CWC22: variants seen among roughly 807,000 people sequenced by gnomAD.
The protein encoded by CWC22 is CWC22 spliceosome associated protein.
In CWC22, 53 loss-of-function variants were observed where a neutral mutation model predicts 117.2. The ratio of observed to expected loss-of-function variants is 0.45; its 90% confidence interval spans 0.36 to 0.57. CWC22 has a LOEUF of 0.57. Ranked by LOEUF, CWC22 falls within the 20% of genes least tolerant of loss-of-function variation. The pLI, the probability that CWC22 is intolerant of heterozygous loss-of-function variation, is 0.00. For synonymous variants in CWC22, 360 were observed against 355.6 expected (o/e 1.01, Z -0.14); for missense variants, 980 against 1,068.8 (o/e 0.92, Z 1.16).
Position 179,989,138 on chromosome 2 carries a change from A to C in CWC22, c.28-494T>G, listed in dbSNP as rs1687496267. Among the ~76,000 whole-genome samples the C allele has an allele frequency of 2.0e-5, 3 of 151,974 alleles. No homozygotes were observed. The South Asian group carries it at 6.2e-4, about 31-fold the overall frequency. On this transcript the variant is annotated intron_variant, in intron 2 of 19. Transcript: ENST00000410053. ...CATTGTATCATTCTTACGGCTTTGC[A>C]GAACCAAATACTTCTTTCTAGCCAA...
intron 13 of CWC22, among the ~76,000 whole-genome samples, chr2:179,961,881 GT>G (rs1686761637): frequency 6.6e-6 from 1 of 151,910 alleles, no homozygotes; most frequent in African/African-American, 2.4e-5. Context: ...TGAGTTTCAG[GT>G]TTAACACAAA....
intron 1 of CWC22, among the ~76,000 whole-genome samples, chr2:179,994,208 G>C (rs1328855936): frequency 6.6e-6 from 1 of 151,876 alleles, no homozygotes; most frequent in African/African-American, 2.4e-5. Flanking sequence ...TATAGTATAA[G>C]GCACTGAAAT....
intron 13 of CWC22, among the ~76,000 whole-genome samples, chr2:179,961,995 T>G (rs1686764086): frequency 6.6e-6 from 1 of 152,114 alleles, no homozygotes; most frequent in South Asian, 2.1e-4. Context: ...CAAATGGTTT[T>G]GTTGATGTGT....
intron 1 of CWC22, among the ~76,000 whole-genome samples, chr2:179,998,804 A>G (rs1438971092): frequency 6.6e-6 from 1 of 152,140 alleles, no homozygotes; most frequent in Non-Finnish European, 1.5e-5. Context: ...AGCAAAAAAT[A>G]AAAATAAAAA....
In CWC22 at chr2:179,945,105, T is replaced by C. The variant is rs1686255580; in HGVS notation, c.*24A>G. ...TTGTTTCAACTGAATATAAGGCATG[T>C]CCAGTTTATGTCATTTTGTAGAATT... On this transcript the variant is annotated 3_prime_UTR_variant, in exon 20 of 20. Transcript: ENST00000410053. 1 of 1,513,498 alleles carries C rather than the reference T, an allele frequency of 6.6e-7. No individual in the cohort carries two copies. Among genetic ancestry groups the C allele is most frequent in the Non-Finnish European group, 9.0e-7 (1 of 1,116,736 alleles). The allele number at this position is 1,513,498 out of a possible 1,614,324, so 93.8% of individuals were successfully genotyped here.
At chr2:179,961,732 T>C (rs957153124) in intron 13 of CWC22, among the ~76,000 whole-genome samples, 4 of 152,022 alleles carry the variant, frequency 2.6e-5, no homozygotes, top group African/African-American at 9.7e-5. Context: ...CAGTCTGTTT[T>C]TCCTGTTCTT....
At chr2:179,967,461 C>A (rs184176431) in intron 11 of CWC22, among the ~76,000 whole-genome samples, 1 of 152,254 alleles carries the variant, frequency 6.6e-6, no homozygotes, top group Non-Finnish European at 1.5e-5. Flanking sequence ...AAACTATTTT[C>A]ATAATAATAC....
chr2:179,981,162 C>T (rs1340713766), intron 5 of CWC22, among the ~76,000 whole-genome samples: 1 of 152,224 alleles, frequency 6.6e-6, no homozygotes, highest in Non-Finnish European at 1.5e-5. Flanking sequence ...TGGCAAACTA[C>T]ACCCATGAGC....
At chr2:179,963,483 C>T (rs1049954145) in intron 13 of CWC22, among the ~76,000 whole-genome samples, 1 of 150,938 alleles carries the variant, frequency 6.6e-6, no homozygotes, top group Non-Finnish European at 1.5e-5. Flanking sequence ...GCTGGGACTA[C>T]AGGCGCCCGC....
chr2:179,956,731 T>C (rs956339703), intron 14 of CWC22, among the ~76,000 whole-genome samples: 21 of 151,912 alleles, frequency 1.4e-4, no homozygotes, highest in African/African-American at 4.3e-4. Context: ...AAATAAGGCT[T>C]TTCTAAATTC....
At chr2:179,997,708 C>A (rs1280398957) in intron 1 of CWC22, among the ~76,000 whole-genome samples, 1 of 152,150 alleles carries the variant, frequency 6.6e-6, no homozygotes, top group Non-Finnish European at 1.5e-5. Flanking sequence ...TGTTCCCCAA[C>A]AAATAATACA....
intron 14 of CWC22, 29 bp downstream of exon 14, chr2:179,958,993 A>G: frequency 2.1e-6 from 3 of 1,411,764 alleles, no homozygotes; most frequent in South Asian, 1.2e-5. Flanking sequence ...CAATATATAC[A>G]TTTCCTAATA....
intron 1 of CWC22, among the ~76,000 whole-genome samples, chr2:180,002,726 A>G (rs1196101821): frequency 1.3e-5 from 2 of 152,238 alleles, no homozygotes; most frequent in African/African-American, 4.8e-5. Context: ...TAGGTCTTGA[A>G]GCTGAGTCTT....
intron 14 of CWC22, among the ~76,000 whole-genome samples, chr2:179,955,689 T>C (rs1686572036): frequency 6.6e-6 from 1 of 152,038 alleles, no homozygotes; most frequent in East Asian, 1.9e-4. Flanking sequence ...CAATTAGCTA[T>C]TCAGGCGCCA....
chr2:179,972,866 G>A (rs1030313808), intron 8 of CWC22, among the ~76,000 whole-genome samples: 10 of 151,930 alleles, frequency 6.6e-5, no homozygotes, highest in Middle Eastern at 3.4e-3. Flanking sequence ...AAAACTAGCC[G>A]GGCGTGGTGG....
intron 5 of CWC22, among the ~76,000 whole-genome samples, chr2:179,979,158 C>G (rs1687224895): frequency 6.6e-6 from 1 of 152,072 alleles, no homozygotes; most frequent in Non-Finnish European, 1.5e-5. Flanking sequence ...AATCAGTAGA[C>G]TTTTTGGGAT....
At position 179,945,250 on chromosome 2, in the gene CWC22, T is replaced by C. The variant is rs1686260432; in HGVS notation, c.2606A>G (p.Asp869Gly). 1 of 1,613,664 alleles carries C rather than the reference T, an allele frequency of 6.2e-7. No homozygotes were observed. Among genetic ancestry groups the C allele is most frequent in the African/African-American group, 1.3e-5 (1 of 74,916 alleles). The change falls in exon 20 of 20, where the codon GAT becomes GGT. Residue 869 changes from aspartate to glycine, a missense_variant. By Grantham distance (94) the Asp-to-Gly change is moderately conservative (BLOSUM62 -1). Transcript: ENST00000410053. ...RKHSGSRSDEDRYQNGAERRW... is the reference protein window; with the variant it reads ...RKHSGSRSDEGRYQNGAERRW... ...TCTCTCGGCACCATTTTGATATCTA[T>C]CTTCATCACTTCTTGAGCCTGAGTG... is the stretch of plus-strand genomic sequence containing the variant.
At chr2:179,955,927 G>C (rs1022764814) in intron 14 of CWC22, among the ~76,000 whole-genome samples, 1 of 151,928 alleles carries the variant, frequency 6.6e-6, no homozygotes, top group Non-Finnish European at 1.5e-5. Context: ...ATTCATCTAC[G>C]ATCAGTGTAA....
At chr2:180,000,438 T>C (rs1687817675) in intron 1 of CWC22, among the ~76,000 whole-genome samples, 3 of 152,354 alleles carry the variant, frequency 2.0e-5, no homozygotes, top group South Asian at 2.1e-4. Flanking sequence ...GAAATATTAA[T>C]GTGTTTTGAC....
Sources: allele counts gnomAD v4.1 joint callset (sites outside exome capture counted in the v4.1 genomes callset), GRCh38; gene constraint gnomAD v4.1.1; transcripts MANE v1.5; gene names NCBI Gene and HGNC (gene_info 2026-07-23, HGNC 2026-07-21).